The following WDR27 variants were observed in gnomAD, a reference collection of about 807,000 sequenced individuals.
WDR27 encodes WD repeat domain 27, also known as WD repeat-containing protein 27.
Under a neutral mutation model 114.4 loss-of-function variants are expected in WDR27, and 100 were observed. The observed-to-expected ratio is 0.87, with a 90% CI of 0.74 to 1.03. The LOEUF (loss-of-function observed/expected upper bound fraction) is 1.03, where lower values mean the gene tolerates loss of function less well. WDR27 is among the 50% of genes least tolerant of loss of function. The pLI is 0.00. For missense variants in WDR27, 1,129 were observed against 1,092.9 expected (o/e 1.03, Z -0.47); for synonymous variants, 449 against 423.1 (o/e 1.06, Z -0.75).
chr6:169,639,265 G>C (rs1252192096), intron 17 of WDR27, among the ~76,000 whole-genome samples: 1 of 152,146 alleles, frequency 6.6e-6, no homozygotes, highest in Non-Finnish European at 1.5e-5. Flanking sequence ...GCTGGGGTTT[G>C]GGGTGTGAGT....
intron 22 of WDR27, among the ~76,000 whole-genome samples, chr6:169,607,426 AT>A (rs1386356378): frequency 0.12 from 1,364 of 11,368 alleles, 19 homozygotes; most frequent in South Asian, 0.34. Flanking sequence ...ACACACACAT[AT>A]AATATAATAT....
chr6:169,630,279 T>C (rs921926897), intron 21 of WDR27, among the ~76,000 whole-genome samples: 1 of 152,214 alleles, frequency 6.6e-6, no homozygotes, highest in Non-Finnish European at 1.5e-5. Context: ...TAAGAAACCA[T>C]TTTTTTCTCT....
chr6:169,427,632 C>T, the WDR27 span, among the ~76,000 whole-genome samples: 3 of 152,258 alleles, frequency 2.0e-5, no homozygotes, highest in East Asian at 5.8e-4. Flanking sequence ...GTTTCTGCTG[C>T]TTCTTCTGAT....
chr6:169,697,493 G>A (rs895023715), intron 1 of WDR27, among the ~76,000 whole-genome samples: 4 of 152,186 alleles, frequency 2.6e-5, no homozygotes, highest in Non-Finnish European at 4.4e-5. Flanking sequence ...TGGAGGGCCC[G>A]ACATCAGTCA....
At chr6:169,676,284 T>G (rs879130349) in intron 2 of WDR27, among the ~76,000 whole-genome samples, 1 of 152,286 alleles carries the variant, frequency 6.6e-6, no homozygotes, top group Admixed American at 6.5e-5. Context: ...CAAATTCCTA[T>G]CTAAGGGGCT....
At chr6:169,516,067 G>C (rs1793593641) in intron 25 of WDR27, among the ~76,000 whole-genome samples, 1 of 152,034 alleles carries the variant, frequency 6.6e-6, no homozygotes, top group Non-Finnish European at 1.5e-5. Flanking sequence ...AGAAAAATAA[G>C]AAATTCCAAC....
At chr6:169,650,524 T>TCC (rs1822108679) in intron 14 of WDR27, among the ~76,000 whole-genome samples, 1 of 140,346 alleles carries the variant, frequency 7.1e-6, no homozygotes, top group Non-Finnish European at 1.5e-5. Flanking sequence ...TACCTACTCA[T>TCC]CCATCTCTCA....
chr6:169,565,174 C>G (rs1800271326), intron 25 of WDR27, among the ~76,000 whole-genome samples: 1 of 152,198 alleles, frequency 6.6e-6, no homozygotes, highest in Admixed American at 6.5e-5. Flanking sequence ...CAAGAGATAC[C>G]TAGTACTCCC....
the WDR27 span, among the ~76,000 whole-genome samples, chr6:169,430,281 A>C: frequency 6.6e-6 from 1 of 152,242 alleles, no homozygotes; most frequent in Non-Finnish European, 1.5e-5. Flanking sequence ...GGGCAAGGGA[A>C]GGCCAGGCAG....
chr6:169,457,323 A>T lies in WDR27; in HGVS notation c.*269T>A. ...GTTTTATTGAAAGATATTTTGTTTTAACTTTACCAAATTCTGTGCAGAAGT... is the reference window on the plus strand; with the variant it reads ...GTTTTATTGAAAGATATTTTGTTTTTACTTTACCAAATTCTGTGCAGAAGT... On this transcript the variant is annotated 3_prime_UTR_variant, in exon 26 of 26. Transcript: ENST00000448612. 2.9e-6 allele frequency: 1 copy of T among 345,144 alleles called. No individual in the cohort carries two copies. Among genetic ancestry groups the T allele is most frequent in the Non-Finnish European group, 5.2e-6 (1 of 190,526 alleles). 21.4% of individuals were successfully genotyped at this position (345,144 alleles called of 1,614,324 possible).
chr6:169,431,429 A>G, the WDR27 span, among the ~76,000 whole-genome samples: 1 of 152,188 alleles, frequency 6.6e-6, no homozygotes, highest in African/African-American at 2.4e-5. Context: ...AGGGCTCTTT[A>G]GCCCTCTGCT....
chr6:169,658,230 A>G, intron 13 of WDR27, 46 bp downstream of exon 13: 1 of 1,459,780 alleles, frequency 6.9e-7, no homozygotes, highest in Non-Finnish European at 9.4e-7. Flanking sequence ...CACAATGAGA[A>G]CGCATCAGCC....
intron 1 of WDR27, chr6:169,689,312 T>A (rs1341576627): frequency 4.3e-6 from 1 of 233,168 alleles, no homozygotes; most frequent in African/African-American, 2.3e-5. Flanking sequence ...TCCACAACTG[T>A]CAAATGAGAA....
chr6:169,442,996 AGAG>A, the WDR27 span, among the ~76,000 whole-genome samples: 1 of 152,268 alleles, frequency 6.6e-6, no homozygotes, highest in Non-Finnish European at 1.5e-5. Flanking sequence ...AATGGCAATG[AGAG>A]GAGACCACAT....
At chr6:169,449,767 G>A in the WDR27 span, among the ~76,000 whole-genome samples, 1 of 152,236 alleles carries the variant, frequency 6.6e-6, no homozygotes, top group East Asian at 1.9e-4. Context: ...CCCGACCTAG[G>A]AAGGCATTTC....
At chr6:169,568,187 C>G (rs546887168) in intron 25 of WDR27, among the ~76,000 whole-genome samples, 4 of 151,624 alleles carry the variant, frequency 2.6e-5, no homozygotes, top group South Asian at 4.2e-4. Context: ...GAACCACAGA[C>G]TGAAGGAGAA....
chr6:169,667,236 A>G (rs1828095343), intron 5 of WDR27, 49 bp from the exon 6 acceptor site: 1 of 1,442,318 alleles, frequency 6.9e-7, no homozygotes, highest in Non-Finnish European at 9.1e-7. Flanking sequence ...CGTTGCCATT[A>G]TTGCAACAGG....
intron 25 of WDR27, among the ~76,000 whole-genome samples, chr6:169,508,535 A>G (rs1339385663): frequency 6.6e-6 from 1 of 152,204 alleles, no homozygotes; most frequent in African/African-American, 2.4e-5. Context: ...TTAAGAGTGA[A>G]TAGTCTAAAG....
At chr6:169,689,736 A>C (rs1783965495) in intron 1 of WDR27, among the ~76,000 whole-genome samples, 2 of 152,192 alleles carry the variant, frequency 1.3e-5, no homozygotes, top group Admixed American at 1.3e-4. Flanking sequence ...TGTACCCCAC[A>C]CCCCACTGCA....
Sources: allele counts gnomAD v4.1 joint callset (sites outside exome capture counted in the v4.1 genomes callset), GRCh38; gene constraint gnomAD v4.1.1; transcripts MANE v1.5; gene names NCBI Gene and HGNC (gene_info 2026-07-23, HGNC 2026-07-21).